The following TMCO6 variants were observed in gnomAD, a reference collection of about 807,000 sequenced individuals.
TMCO6 encodes transmembrane and coiled-coil domains 6.
In TMCO6, 47 loss-of-function variants were observed where a neutral mutation model predicts 61.8. The observed-to-expected ratio is 0.76, with a 90% CI of 0.60 to 0.97. TMCO6 has a LOEUF of 0.97. Among genes scored for constraint, TMCO6 ranks in the 50% least tolerant of loss-of-function variants. The pLI is 0.00. For synonymous variants in TMCO6, 261 were observed against 254.2 expected (o/e 1.03, Z -0.25); for missense variants, 557 against 601.6 (o/e 0.93, Z 0.78).
the TMCO6 span, among the ~76,000 whole-genome samples, chr5:140,622,157 G>A: frequency 1.3e-5 from 2 of 152,080 alleles, no homozygotes; most frequent in African/African-American, 4.8e-5. Flanking sequence ...GCAGCTTGTG[G>A]GGCATCACGG....
At chr5:140,619,870 A>G in the TMCO6 span, among the ~76,000 whole-genome samples, 2 of 152,280 alleles carry the variant, frequency 1.3e-5, no homozygotes, top group Admixed American at 6.5e-5. Flanking sequence ...TAGAATGCCC[A>G]AATCCAGAGT....
the TMCO6 span, among the ~76,000 whole-genome samples, chr5:140,599,454 T>C: frequency 6.6e-6 from 1 of 152,202 alleles, no homozygotes; most frequent in African/African-American, 2.4e-5. Flanking sequence ...AAAACCCAAA[T>C]GTAGTGGCAA....
At chr5:140,629,096 C>G in the TMCO6 span, among the ~76,000 whole-genome samples, 1 of 152,046 alleles carries the variant, frequency 6.6e-6, no homozygotes. Flanking sequence ...TGGTGAAACC[C>G]TGTCTCTACT....
At chr5:140,644,051 CA>C in intron 9 of TMCO6, 48 bp from the exon 10 acceptor site, 1 of 1,613,116 alleles carries the variant, frequency 6.2e-7, no homozygotes, top group Non-Finnish European at 8.5e-7. Flanking sequence ...GTAGTATTGA[CA>C]GGGGTGGTGG....
chr5:140,632,192 G>A, the TMCO6 span: 7 of 1,613,578 alleles, frequency 4.3e-6, no homozygotes, highest in East Asian at 1.1e-4. This position sits in a 1 kb window ranked among gnomAD's most constrained non-coding sequence, Gnocchi z 6.2. Context: ...TAGGGTTTAC[G>A]GTGGCGCGCA....
At chr5:140,602,045 C>T in the TMCO6 span, among the ~76,000 whole-genome samples, 3 of 152,208 alleles carry the variant, frequency 2.0e-5, no homozygotes, top group Non-Finnish European at 4.4e-5. Flanking sequence ...TCAACATGGA[C>T]TGCCAAACCC....
At chr5:140,636,187 G>A (rs1037451474), upstream of TMCO6, among the ~76,000 whole-genome samples, 5 of 152,084 alleles carry the variant, frequency 3.3e-5, no homozygotes, top group Non-Finnish European at 1.5e-5. Context: ...TAGTAGAGAC[G>A]GGGTTTCACC....
downstream of TMCO6, chr5:140,646,927 A>G (rs1189287136): frequency 8.6e-6 from 2 of 231,710 alleles, no homozygotes; most frequent in Admixed American, 1.0e-4. Context: ...ATTCTCACAC[A>G]CTACCTGGAC....
chr5:140,601,382 T>A, the TMCO6 span, among the ~76,000 whole-genome samples: 1 of 152,208 alleles, frequency 6.6e-6, no homozygotes, highest in Non-Finnish European at 1.5e-5. Context: ...ATGGGACTAT[T>A]GCCCCAGGTG....
At chr5:140,632,831 A>T in the TMCO6 span, 1 of 1,614,036 alleles carries the variant, frequency 6.2e-7, no homozygotes, top group East Asian at 2.2e-5. This position sits in a 1 kb window ranked among gnomAD's most constrained non-coding sequence, Gnocchi z 6.2. Flanking sequence ...CTGCAGACAC[A>T]CACTGGAAGG....
chr5:140,613,545 C>T, the TMCO6 span, among the ~76,000 whole-genome samples: 1 of 152,062 alleles, frequency 6.6e-6, no homozygotes, highest in Non-Finnish European at 1.5e-5. Flanking sequence ...TACAAATTGA[C>T]TGTTTCGGTT....
chr5:140,604,408 A>G, the TMCO6 span, among the ~76,000 whole-genome samples: 1 of 151,980 alleles, frequency 6.6e-6, no homozygotes, highest in Admixed American at 6.6e-5. Flanking sequence ...AAATAAATAA[A>G]AAATAAAATT....
downstream of TMCO6, chr5:140,645,721 G>A (rs1359717783): frequency 3.7e-6 from 6 of 1,613,802 alleles, no homozygotes; most frequent in East Asian, 2.2e-5. Context: ...TCTGCACCCT[G>A]GAGGCTACCA....
chr5:140,646,420 GA>G (rs1421768710), downstream of TMCO6, among the ~76,000 whole-genome samples: 1 of 152,136 alleles, frequency 6.6e-6, no homozygotes, highest in East Asian at 1.9e-4. Context: ...TTTGGAAGGA[GA>G]AGCTTTTTTC....
the TMCO6 span, among the ~76,000 whole-genome samples, chr5:140,610,008 G>A: frequency 1.3e-4 from 19 of 151,694 alleles, no homozygotes; most frequent in South Asian, 6.2e-4. Flanking sequence ...AAGTAACTGG[G>A]ACTACAGGTG....
Position 140,645,085 on chromosome 5 carries a change from C to T in TMCO6, c.1469C>T (p.Ala490Val). 2 of 1,614,084 alleles carry T rather than the reference C, an allele frequency of 1.2e-6. No homozygotes were observed. The highest frequency in any genetic ancestry group is 1.7e-6 in the Non-Finnish European group (2 of 1,179,942). ...QDRVYALQQT[A>V]LQG The stretch of plus-strand genomic sequence containing the variant: ...CGTGTGTATGCTCTCCAGCAGACAG[C>T]TCTTCAAGGGTGATCTTGTTTCTCA... Residue 490 changes from alanine (A) to valine (V), a missense_variant, in exon 12 of 12, where the codon GCT becomes GTT. Ala to Val is a moderately conservative substitution (Grantham distance 64, BLOSUM62 0). Transcript: ENST00000394671.
the TMCO6 span, chr5:140,632,676 G>C: frequency 6.2e-7 from 1 of 1,613,838 alleles, no homozygotes; most frequent in African/African-American, 1.3e-5. This position sits in a 1 kb window ranked among gnomAD's most constrained non-coding sequence, Gnocchi z 6.2. Context: ...CAGTAGCTGA[G>C]CAGGAACCTG....
chr5:140,644,771 C>T lies in TMCO6; in HGVS notation c.1368+31C>T, dbSNP rs554096104. On this transcript the variant is annotated intron_variant, in intron 11 of 11. Transcript: ENST00000394671. Reference sequence around the variant, plus strand: ...GGTTTCTGGCCCACATCCTCAGTCACCCCTGTTCTGAAGCCACACAGTGGC... The same window carrying T: ...GGTTTCTGGCCCACATCCTCAGTCATCCCTGTTCTGAAGCCACACAGTGGC... 8 of 1,611,780 alleles carry T rather than the reference C, an allele frequency of 5.0e-6. No individual in the cohort carries two copies. In the Middle Eastern group the frequency reaches 5.0e-4, roughly 100 times the overall value.
At chr5:140,645,597 C>T (rs779207463), downstream of TMCO6, 1 of 1,614,152 alleles carries the variant, frequency 6.2e-7, no homozygotes, top group Admixed American at 1.7e-5. Context: ...TCAGGCTTTA[C>T]CACTTAGAAC....
Sources: allele counts gnomAD v4.1 joint callset (sites outside exome capture counted in the v4.1 genomes callset), GRCh38; gene constraint gnomAD v4.1.1; non-coding constraint Gnocchi (gnomAD v3.1); transcripts MANE v1.5; gene names NCBI Gene and HGNC (gene_info 2026-07-23, HGNC 2026-07-21).